The following RELN variants were observed in gnomAD, a reference collection of about 807,000 sequenced individuals.
RELN encodes reelin.
A neutral mutation model predicts 427.6 loss-of-function variants in RELN; 108 were observed. The observed-to-expected ratio is 0.25, with a 90% CI of 0.22 to 0.30. The LOEUF (loss-of-function observed/expected upper bound fraction) is 0.30, where lower values mean the gene tolerates loss of function less well. Ranked by LOEUF, RELN falls within the 10% of genes least tolerant of loss-of-function variation. The pLI, the probability that RELN is intolerant of heterozygous loss-of-function variation, is 1.00. For missense variants in RELN, 3,715 were observed against 4,302.8 expected (o/e 0.86, Z 3.82); for synonymous variants, 1,524 against 1,513.4 (o/e 1.01, Z -0.16).
chr7:103,749,711 A>G (rs1186992846), intron 5 of RELN, among the ~76,000 whole-genome samples: 1 of 152,206 alleles, frequency 6.6e-6, no homozygotes, highest in Admixed American at 6.5e-5. Context: ...GAAGTTGGGA[A>G]AACCAAAGAC....
chr7:103,562,355 T>G (rs362799), intron 34 of RELN, among the ~76,000 whole-genome samples: 1 of 152,022 alleles, frequency 6.6e-6, no homozygotes, highest in East Asian at 1.9e-4. Context: ...ATTAGGGTCT[T>G]AAAAGTTCTG....
At chr7:103,700,834 G>C in intron 9 of RELN, 76 bp downstream of exon 9, 1 of 890,042 alleles carries the variant, frequency 1.1e-6, no homozygotes, top group Non-Finnish European at 1.9e-6. Flanking sequence ...AAAGTTAGTG[G>C]TGGATTGAAG....
chr7:103,941,392 C>A (rs1470606762), intron 1 of RELN, among the ~76,000 whole-genome samples: 2 of 152,096 alleles, frequency 1.3e-5, no homozygotes, highest in Admixed American at 1.3e-4. Flanking sequence ...CATTTCTTTC[C>A]TCTTAAAGCA....
intron 4 of RELN, among the ~76,000 whole-genome samples, chr7:103,774,038 G>A (rs1466386532): frequency 6.6e-6 from 1 of 152,052 alleles, no homozygotes; most frequent in Non-Finnish European, 1.5e-5. Context: ...GCTCATGCCT[G>A]TAATCCTAGC....
Position 103,909,725 on chromosome 7 carries a change from A to T in RELN, c.337+7350T>A, listed in dbSNP as rs1349988504. On this transcript the variant is annotated intron_variant, in intron 2 of 64. Transcript: ENST00000428762. ...TAATATATATAAATATATATTAAAT[A>T]TATTTTTTAATATATATAAATATAT... Among the ~76,000 whole-genome samples, 2 of 27,506 alleles carry T rather than the reference A, an allele frequency of 7.3e-5. 1 individual carries two copies. Among genetic ancestry groups the T allele is most frequent in the African/African-American group, 2.9e-4 (2 of 6,928 alleles). 18.0% of individuals were successfully genotyped at this position (27,506 alleles called of 152,430 possible).
At chr7:103,759,939 C>T (rs1584470863) in intron 4 of RELN, among the ~76,000 whole-genome samples, 1 of 145,858 alleles carries the variant, frequency 6.9e-6, no homozygotes, top group Non-Finnish European at 1.5e-5. Flanking sequence ...CAGCAAATAT[C>T]TCCACATTAG....
chr7:103,518,327 C>CT lies in RELN; in HGVS notation c.7862+995dup, dbSNP rs767194919. 8.8e-3 allele frequency among the ~76,000 whole-genome samples: 932 copies of CT among 106,486 alleles called. 4 individuals are homozygous for CT. Among genetic ancestry groups the CT allele is most frequent in the Non-Finnish European group, 0.011 (588 of 55,538 alleles). 69.9% of individuals were successfully genotyped at this position (106,486 alleles called of 152,430 possible). On this transcript the variant is annotated intron_variant, in intron 49 of 64. Transcript: ENST00000428762. Reference sequence around the variant, plus strand: ...TGCATTAAAGGATTATCTACGTTTCCTTTTTTTTTTTTTTTTTTTTTTAAA... The same window carrying CT: ...TGCATTAAAGGATTATCTACGTTTCCTTTTTTTTTTTTTTTTTTTTTTTAAA...
intron 2 of RELN, among the ~76,000 whole-genome samples, chr7:103,909,695 ATAT>A (rs1247761925): frequency 0.015 from 1,040 of 69,138 alleles, 116 homozygotes; most frequent in African/African-American, 0.067. Context: ...ATAAATATAT[ATAT>A]TTAATATATA....
chr7:103,909,500 G>A (rs527484616), intron 2 of RELN, among the ~76,000 whole-genome samples: 3 of 148,200 alleles, frequency 2.0e-5, no homozygotes, highest in South Asian at 2.1e-4. Context: ...TAATTCACTC[G>A]GGAGGCTGAG....
intron 53 of RELN, among the ~76,000 whole-genome samples, chr7:103,498,857 G>A (rs1828928568): frequency 6.6e-6 from 1 of 152,054 alleles, no homozygotes; most frequent in Non-Finnish European, 1.5e-5. Context: ...CCCCAAACAT[G>A]TATATTTGTT....
At chr7:103,920,545 A>G (rs1795590052) in intron 1 of RELN, among the ~76,000 whole-genome samples, 1 of 148,380 alleles carries the variant, frequency 6.7e-6, no homozygotes, top group Non-Finnish European at 1.5e-5. Context: ...GGGTATACAC[A>G]TGTTTGTTGT....
chr7:103,899,827 C>T (rs981852091), intron 2 of RELN, among the ~76,000 whole-genome samples: 1 of 152,062 alleles, frequency 6.6e-6, no homozygotes, highest in Non-Finnish European at 1.5e-5. Flanking sequence ...TATGACAAAC[C>T]CACAGCCAAT....
At chr7:103,806,423 C>G (rs1792601532) in intron 3 of RELN, among the ~76,000 whole-genome samples, 1 of 152,080 alleles carries the variant, frequency 6.6e-6, no homozygotes, top group African/African-American at 2.4e-5. Flanking sequence ...CTCCTGGGTT[C>G]AAGCAATTCT....
At chr7:103,848,370 T>C (rs187948846) in intron 2 of RELN, among the ~76,000 whole-genome samples, 7 of 152,290 alleles carry the variant, frequency 4.6e-5, no homozygotes, top group Admixed American at 6.5e-5. Context: ...TATAACCTAA[T>C]TGAGGGGATT....
intron 34 of RELN, among the ~76,000 whole-genome samples, chr7:103,564,918 T>C (rs1830715667): frequency 6.6e-6 from 1 of 152,108 alleles, no homozygotes; most frequent in Admixed American, 6.5e-5. Context: ...GGTACTGAGA[T>C]GAAAAAAAAC....
chr7:103,863,696 T>TCTCCTCTGAGATTAGTAAAATGGACATTA (rs1794125668), intron 2 of RELN, among the ~76,000 whole-genome samples: 1 of 152,006 alleles, frequency 6.6e-6, no homozygotes, highest in Non-Finnish European at 1.5e-5. Context: ...CTAACCTAAA[T>TCTCCTCTGAGATTAGTAAAATGGACATTA]CTCCTCTGAG....
In RELN at chr7:103,883,893, A is replaced by G. The variant is rs572602744; in HGVS notation, c.337+33182T>C. Among the ~76,000 whole-genome samples, 5 of 152,332 alleles carry G rather than the reference A, an allele frequency of 3.3e-5. No homozygotes were observed. The East Asian group carries it at 7.7e-4, about 24-fold the overall frequency. ...TATAGATGCAACACTATTCCTGTCAAGTTGCCATTGACTTTCTTCACAAAA... is the reference window on the plus strand; with the variant it reads ...TATAGATGCAACACTATTCCTGTCAGGTTGCCATTGACTTTCTTCACAAAA... On this transcript the variant is annotated intron_variant, in intron 2 of 64. Coordinates refer to ENST00000428762, the MANE Select transcript of RELN (RefSeq NM_005045.4).
intron 64 of RELN, 84 bp downstream of exon 64, chr7:103,478,305 C>T: frequency 1.9e-5 from 12 of 625,542 alleles, no homozygotes; most frequent in African/African-American, 3.8e-5. Context: ...TGCAAAGGTG[C>T]TTTACAAAAC....
chr7:103,897,606 T>G (rs750571568), intron 2 of RELN, among the ~76,000 whole-genome samples: 67 of 152,208 alleles, frequency 4.4e-4, no homozygotes, highest in Non-Finnish European at 8.4e-4. Flanking sequence ...TTGGAAAGAC[T>G]TGACAAAAAT....
Sources: gnomAD v4.1 joint callset for allele counts (sites outside exome capture counted in the v4.1 genomes callset) on GRCh38, gnomAD v4.1.1 for gene constraint, MANE v1.5 for transcripts, NCBI Gene and HGNC (gene_info 2026-07-23, HGNC 2026-07-21) for gene names.